Variants in SUSD1 observed in about 807,000 individuals in gnomAD.
SUSD1 encodes sushi domain-containing protein 1.
In SUSD1, 65 loss-of-function variants were observed where a neutral mutation model predicts 86.9. That is an observed-to-expected ratio of 0.75 (90% CI 0.61 to 0.92). The LOEUF (loss-of-function observed/expected upper bound fraction) is 0.92. SUSD1 is among the 40% of genes least tolerant of loss of function. SUSD1 has a pLI of 0.00. For missense variants in SUSD1, 850 were observed against 929.7 expected (o/e 0.91, Z 1.11); for synonymous variants, 346 against 350.0 (o/e 0.99, Z 0.13).
intron 10 of SUSD1, 95 bp from the exon 11 acceptor site, chr9:112,080,260 G>A: frequency 1.3e-6 from 1 of 782,784 alleles, no homozygotes. Flanking sequence ...GTGTTAGCAT[G>A]AGTTCAACAG....
At chr9:112,120,691 G>T (rs1484798439) in intron 6 of SUSD1, among the ~76,000 whole-genome samples, 1 of 152,228 alleles carries the variant, frequency 6.6e-6, no homozygotes, top group East Asian at 1.9e-4. Context: ...AAGGTAGCAG[G>T]CTGAGGATGG....
intron 1 of SUSD1, among the ~76,000 whole-genome samples, chr9:112,163,952 G>A (rs1472405227): frequency 1.3e-5 from 2 of 151,852 alleles, no homozygotes; most frequent in Non-Finnish European, 2.9e-5. Context: ...AGTGAGCCAA[G>A]ACTGTGCCAC....
At chr9:112,044,867 G>A (rs950925622) in intron 15 of SUSD1, among the ~76,000 whole-genome samples, 4 of 152,120 alleles carry the variant, frequency 2.6e-5, no homozygotes, top group African/African-American at 9.7e-5. Context: ...AAAGGCAAAT[G>A]GCAAGCTGGA....
intron 8 of SUSD1, among the ~76,000 whole-genome samples, chr9:112,103,359 CTTTTA>C (rs990070465): frequency 6.6e-6 from 1 of 152,162 alleles, no homozygotes; most frequent in African/African-American, 2.4e-5. Flanking sequence ...GTCTTCACAA[CTTTTA>C]TTTTAAAGAT....
At chr9:112,148,961 T>TGAAC (rs1434474076) in intron 3 of SUSD1, among the ~76,000 whole-genome samples, 1 of 150,600 alleles carries the variant, frequency 6.6e-6, no homozygotes, top group Non-Finnish European at 1.5e-5. Flanking sequence ...AATATTACAA[T>TGAAC]GAACTCCCAT....
chr9:112,146,156 T>C (rs1442892858), intron 3 of SUSD1: 1 of 150,746 alleles, frequency 6.6e-6, no homozygotes, highest in Non-Finnish European at 1.5e-5. Flanking sequence ...CGCTGATGTT[T>C]CTCTGGCAAC....
chr9:112,155,525 T>TA (rs1833259547), intron 2 of SUSD1, among the ~76,000 whole-genome samples: 1 of 152,158 alleles, frequency 6.6e-6, no homozygotes, highest in Admixed American at 6.5e-5. Context: ...TGGGTGACTG[T>TA]AAAAGCTTGT....
intron 10 of SUSD1, 104 bp from the exon 11 acceptor site, chr9:112,080,269 A>G: frequency 1.3e-6 from 1 of 744,076 alleles, no homozygotes; most frequent in Non-Finnish European, 2.3e-6. Context: ...TGAGTTCAAC[A>G]GTATTTTAAT....
intron 10 of SUSD1, among the ~76,000 whole-genome samples, chr9:112,088,335 G>C (rs983707093): frequency 7.9e-5 from 12 of 152,230 alleles, no homozygotes; most frequent in Non-Finnish European, 1.8e-4. Context: ...AGGCGGAAGA[G>C]TGATATATAA....
chr9:112,048,810 G>A (rs1828066383), intron 15 of SUSD1, among the ~76,000 whole-genome samples: 1 of 152,212 alleles, frequency 6.6e-6, no homozygotes, highest in Admixed American at 6.5e-5. Context: ...ACAGGTGGGT[G>A]ATCAGGAAAT....
At position 112,078,811 on chromosome 9, in the gene SUSD1, C is replaced by CTTTTTTTTT. The variant is rs71496739; in HGVS notation, c.1567-96_1567-88dup. On this transcript the variant is annotated intron_variant, in intron 11 of 16. Coordinates refer to ENST00000374270, the MANE Select transcript of SUSD1 (RefSeq NM_022486.5). ...ACCTCCCCTTTTCCTTTTTCTTTCT[C>CTTTTTTTTT]TTTTTTTTTTTTTTTTTTTGAGATG... 3.0e-3 allele frequency: 1,929 copies of CTTTTTTTTT among 641,046 alleles called. 49 individuals carry two copies. In the African/African-American group the frequency reaches 0.041, roughly 14 times the overall value. The allele number at this position is 641,046 out of a possible 1,614,324, so 39.7% of individuals were successfully genotyped here. A position where few individuals can be genotyped will look rare whatever the true frequency, so the allele number is the denominator to read the frequency against.
chr9:112,148,158 CAG>C (rs1184153519), intron 3 of SUSD1, among the ~76,000 whole-genome samples: 2 of 152,184 alleles, frequency 1.3e-5, no homozygotes, highest in African/African-American at 4.8e-5. Context: ...AGCTTTCCAG[CAG>C]AGTCATTAAG....
intron 3 of SUSD1, among the ~76,000 whole-genome samples, chr9:112,143,975 C>T (rs1198679697): frequency 6.6e-6 from 1 of 152,104 alleles, no homozygotes; most frequent in Non-Finnish European, 1.5e-5. Flanking sequence ...CATGGTGGCT[C>T]ACACCTGTAA....
intron 10 of SUSD1, among the ~76,000 whole-genome samples, chr9:112,086,606 C>G (rs1249892340): frequency 6.6e-6 from 1 of 150,396 alleles, no homozygotes; most frequent in African/African-American, 2.5e-5. Context: ...AGACAGAGCA[C>G]TGACTACAAG....
intron 5 of SUSD1, among the ~76,000 whole-genome samples, chr9:112,131,680 G>A (rs1362083316): frequency 6.6e-6 from 1 of 152,016 alleles, no homozygotes; most frequent in East Asian, 1.9e-4. Flanking sequence ...ACTATCACAA[G>A]GAAATAAACA....
intron 1 of SUSD1, among the ~76,000 whole-genome samples, chr9:112,162,035 TAC>T (rs1331553208): frequency 6.6e-6 from 1 of 152,282 alleles, no homozygotes; most frequent in African/African-American, 2.4e-5. Flanking sequence ...TATTGAAAAT[TAC>T]AGTTTTTACT....
intron 13 of SUSD1, among the ~76,000 whole-genome samples, chr9:112,060,771 T>A (rs77459640): frequency 0.029 from 4,359 of 152,284 alleles, 208 homozygotes; most frequent in African/African-American, 0.094. Flanking sequence ...CTTGAAGACA[T>A]CCCTACATCA....
At chr9:112,147,958 G>A (rs1440299944) in intron 3 of SUSD1, among the ~76,000 whole-genome samples, 1 of 152,110 alleles carries the variant, frequency 6.6e-6, no homozygotes. Flanking sequence ...ATTATAAAAT[G>A]TTTTCTCTGA....
chr9:112,130,147 A>G (rs1831952935), intron 5 of SUSD1, among the ~76,000 whole-genome samples: 2 of 152,032 alleles, frequency 1.3e-5, no homozygotes, highest in South Asian at 4.1e-4. Flanking sequence ...CCAAGGCAGG[A>G]GGATTGCTTC....
Sources: gnomAD v4.1 joint callset for allele counts (sites outside exome capture counted in the v4.1 genomes callset) on GRCh38, gnomAD v4.1.1 for gene constraint, MANE v1.5 for transcripts, NCBI Gene and HGNC (gene_info 2026-07-23, HGNC 2026-07-21) for gene names.